Variants in MPP7 observed in about 807,000 individuals in gnomAD.
MPP7 encodes MAGUK p55 subfamily member 7.
MPP7 carries 60 observed loss-of-function variants against 76.5 expected under a neutral mutation model. That is an observed-to-expected ratio of 0.78 (90% confidence interval 0.64 to 0.97). The LOEUF (loss-of-function observed/expected upper bound fraction) is 0.97. Ranked by LOEUF, MPP7 falls within the 50% of genes least tolerant of loss-of-function variation. The pLI is 0.00. For synonymous variants in MPP7, 237 were observed against 244.5 expected, an observed-to-expected ratio of 0.97 and a Z score of 0.29; for missense variants, 641 against 694.0, an observed-to-expected ratio of 0.92 and a Z score of 0.86.
intron 1 of MPP7, among the ~76,000 whole-genome samples, chr10:28,333,953 G>A (rs571905674): frequency 6.6e-6 from 1 of 152,314 alleles, no homozygotes; most frequent in East Asian, 1.9e-4. Flanking sequence ...AGCACTTTGG[G>A]AGGCCAAGGC....
At chr10:28,161,794 G>C (rs1193305892) in intron 3 of MPP7, among the ~76,000 whole-genome samples, 2 of 152,018 alleles carry the variant, frequency 1.3e-5, no homozygotes, top group African/African-American at 4.8e-5. Flanking sequence ...AATTCAAATA[G>C]ATTCTAAGTC....
chr10:28,290,925 T>C (rs986738908), intron 1 of MPP7, among the ~76,000 whole-genome samples: 2 of 152,236 alleles, frequency 1.3e-5, no homozygotes, highest in Non-Finnish European at 2.9e-5. Flanking sequence ...GAATTAACAG[T>C]ACATGGACAA....
intron 3 of MPP7, among the ~76,000 whole-genome samples, chr10:28,184,690 AGAGT>A (rs1837171071): frequency 6.7e-6 from 1 of 148,962 alleles, no homozygotes; most frequent in South Asian, 2.1e-4. Context: ...CCTGGGTGAT[AGAGT>A]GAGACTCTGT....
chr10:28,132,198 T>C (rs1835215625), intron 5 of MPP7, among the ~76,000 whole-genome samples: 10 of 152,178 alleles, frequency 6.6e-5, no homozygotes, highest in Admixed American at 6.5e-4. Context: ...CTCACTTTAA[T>C]TGTGTGTGTA....
rs1242984079 is a variant in MPP7, at chr10:28,051,994, CCTTT to C, written c.*2067_*2070del. ...TCTAGCTCTGCGCTTAAGGTCTGGA[CCTTT>C]CTTTTTTAAAATGTTATATTTTTAT... On this transcript the variant is annotated 3_prime_UTR_variant, in exon 17 of 17. Coordinates refer to ENST00000683449, the MANE Select transcript of MPP7 (RefSeq NM_001318170.2). The C allele has an allele frequency of 4.7e-5, 7 of 148,592 alleles. No homozygotes were observed. The highest frequency in any genetic ancestry group is 1.7e-4 in the African/African-American group (7 of 40,152). The allele number at this position is 148,592 out of a possible 1,614,324, so 9.2% of individuals were successfully genotyped here.
chr10:28,192,903 T>C (rs1052415948), intron 3 of MPP7, among the ~76,000 whole-genome samples: 2 of 152,204 alleles, frequency 1.3e-5, no homozygotes, highest in Non-Finnish European at 2.9e-5. Context: ...GCAGCATGTG[T>C]TGATGAAAGT....
intron 3 of MPP7, among the ~76,000 whole-genome samples, chr10:28,152,526 A>G (rs1046258179): frequency 6.6e-5 from 10 of 152,242 alleles, no homozygotes; most frequent in African/African-American, 2.4e-4. Flanking sequence ...GCTATCCAAC[A>G]GAACTGCCTG....
At chr10:28,302,703 C>A (rs926308185) in intron 1 of MPP7, among the ~76,000 whole-genome samples, 158 bp downstream of exon 1, 2 of 151,676 alleles carry the variant, frequency 1.3e-5, no homozygotes, top group African/African-American at 4.8e-5. Context: ...CCGCCGCGGG[C>A]TCCCAGGCTG....
chr10:28,167,025 G>T (rs1472056264), intron 3 of MPP7, among the ~76,000 whole-genome samples: 6 of 151,938 alleles, frequency 3.9e-5, no homozygotes, highest in Non-Finnish European at 7.4e-5. Flanking sequence ...AACTCTGCTA[G>T]TGGGGCCGGG....
chr10:28,138,005 C>T lies in MPP7; in HGVS notation c.316-6314G>A, dbSNP rs1267178623. Among the ~76,000 whole-genome samples, 6 of 152,312 alleles carry T rather than the reference C, an allele frequency of 3.9e-5. No homozygotes were observed. In the East Asian group the frequency reaches 9.6e-4, roughly 24 times the overall value. On this transcript the variant is annotated intron_variant, in intron 5 of 16. Transcript: ENST00000683449. ...GAAGGAGCTTAACTTTTTCCTTCAG[C>T]TTGCTTTAATGAAGCTTCATTCATC...
At chr10:28,291,320 T>C (rs536135157) in intron 1 of MPP7, among the ~76,000 whole-genome samples, 5 of 152,302 alleles carry the variant, frequency 3.3e-5, no homozygotes, top group African/African-American at 1.2e-4. Context: ...TTAAGACTGA[T>C]ATTGGCAGGG....
chr10:28,167,776 A>G (rs1277054784), intron 3 of MPP7, among the ~76,000 whole-genome samples: 2 of 152,228 alleles, frequency 1.3e-5, no homozygotes, highest in Non-Finnish European at 2.9e-5. Context: ...AATGTTTTCT[A>G]AAATGGTGTT....
chr10:28,233,734 A>G (rs535757850), intron 2 of MPP7, among the ~76,000 whole-genome samples: 99 of 148,814 alleles, frequency 6.7e-4, no homozygotes, highest in South Asian at 4.7e-3. Context: ...AAAAAAAAAA[A>G]AGAGAGAAAC....
At chr10:28,238,878 A>G in intron 1 of MPP7, 143 bp from the exon 2 acceptor site, 2 of 442,140 alleles carry the variant, frequency 4.5e-6, no homozygotes, top group Non-Finnish European at 8.0e-6. Flanking sequence ...ACCACATGCA[A>G]GTACAAACTG....
chr10:28,108,682 A>G (rs1439611523), intron 11 of MPP7, among the ~76,000 whole-genome samples: 1 of 146,266 alleles, frequency 6.8e-6, no homozygotes, highest in African/African-American at 2.7e-5. Flanking sequence ...ATAAAATAAA[A>G]TAATATAAAA....
At chr10:28,252,923 G>A (rs1310524427) in intron 1 of MPP7, among the ~76,000 whole-genome samples, 1 of 151,066 alleles carries the variant, frequency 6.6e-6, no homozygotes, top group Non-Finnish European at 1.5e-5. Flanking sequence ...TTTTTGGGAG[G>A]GGGGGGCGGA....
intron 4 of MPP7, 114 bp downstream of exon 4, chr10:28,149,868 C>A: frequency 1.7e-6 from 1 of 605,096 alleles, no homozygotes. Flanking sequence ...ACATTTGTAA[C>A]CTCTTCTGCT....
In MPP7 at chr10:28,320,672, T is replaced by C. The variant is rs1834361713; in HGVS notation, c.-132+9257A>G. 2.0e-5 allele frequency among the ~76,000 whole-genome samples: 3 copies of C among 152,134 alleles called. No individual in the cohort carries two copies. In the South Asian group the frequency reaches 6.2e-4, roughly 32 times the overall value. ...ATATCAATTTTGCTTGACATAACTC[T>C]TCATTATTCAGGGTGGGCGGTCCAA... On this transcript the variant is annotated intron_variant, in intron 2 of 11. Transcript: ENST00000441595.
chr10:28,167,155 A>G (rs1250044943), intron 3 of MPP7, among the ~76,000 whole-genome samples: 4 of 152,078 alleles, frequency 2.6e-5, no homozygotes, highest in African/African-American at 9.7e-5. Context: ...TACTAAAAAT[A>G]CAAAAATTAG....
Sources: allele counts gnomAD v4.1 joint callset (sites outside exome capture counted in the v4.1 genomes callset), GRCh38; gene constraint gnomAD v4.1.1; transcripts MANE v1.5; gene names NCBI Gene and HGNC (gene_info 2026-07-23, HGNC 2026-07-21).